Variants in KIRREL2 observed in about 807,000 individuals in gnomAD.
KIRREL2 encodes kirre like nephrin family adhesion molecule 2.
A neutral mutation model predicts 73.4 loss-of-function variants in KIRREL2; 56 were observed. That is an observed-to-expected ratio of 0.76 (90% CI 0.62 to 0.95). The LOEUF (loss-of-function observed/expected upper bound fraction) is 0.95, where lower values mean the gene tolerates loss of function less well. Among genes scored for constraint, KIRREL2 ranks in the 40% least tolerant of loss-of-function variants. KIRREL2 has a pLI of 0.00. For missense variants in KIRREL2, 896 were observed against 935.0 expected, an observed-to-expected ratio of 0.96 and a Z score of 0.54; for synonymous variants, 407 against 404.0, an observed-to-expected ratio of 1.01 and a Z score of -0.09.
chr19:35,860,633 T>C lies in KIRREL2; in HGVS notation c.894T>C (p.Gly298=). ...CCTGCGAGGTCAGCAACGCCGTGGG[T>C]AGCGCCAACCGCAGTACTGCGCTGG... is the stretch of plus-strand genomic sequence containing the variant. ...PVSCEVSNAV[G]SANRSTALDV... Residue 298 remains glycine, a synonymous_variant, in exon 7 of 15, where the codon GGT becomes GGC. Transcript: ENST00000360202. The C allele has an allele frequency of 6.2e-7, 1 of 1,603,390 alleles. No homozygotes were observed. Among genetic ancestry groups the C allele is most frequent in the African/African-American group, 1.3e-5 (1 of 74,958 alleles).
chr19:35,866,069 C>G (rs781562471), intron 14 of KIRREL2, 88 bp from the exon 15 acceptor site: 4 of 1,273,542 alleles, frequency 3.1e-6, no homozygotes, highest in Non-Finnish European at 4.4e-6. Flanking sequence ...CTCTCAAGGT[C>G]TGGTCTATTT....
chr19:35,864,947 C>A (rs191562936), intron 14 of KIRREL2, among the ~76,000 whole-genome samples: 1 of 152,212 alleles, frequency 6.6e-6, no homozygotes, highest in African/African-American at 2.4e-5. Context: ...GCCCTAGCCT[C>A]CATCTGGAGC....
At chr19:35,862,898 G>A (rs764378597) in intron 12 of KIRREL2, 29 bp from the exon 13 acceptor site, 4 of 1,399,096 alleles carry the variant, frequency 2.9e-6, no homozygotes, top group Non-Finnish European at 3.0e-6. Context: ...CCCGCCCATC[G>A]CTTAACTCCA....
At position 35,862,968 on chromosome 19, in the gene KIRREL2, C is replaced by T; in HGVS notation, c.1657C>T (p.Pro553Ser). ...FSEQKNLMRIPGSSDGSSSRG... is the reference protein window; with the variant it reads ...FSEQKNLMRISGSSDGSSSRG... ...CGAGCAAAAGAACCTGATGCGAATCCCTGGCAGCAGCGACGGCTCCAGTTC... is the reference window on the plus strand; with the variant it reads ...CGAGCAAAAGAACCTGATGCGAATCTCTGGCAGCAGCGACGGCTCCAGTTC... The change falls in exon 13 of 15, where the codon CCT becomes TCT. Residue 553 changes from proline to serine, a missense_variant. Physicochemically the swap from Pro to Ser is moderately conservative, Grantham distance 74. Coordinates refer to ENST00000360202, the MANE Select transcript of KIRREL2 (RefSeq NM_199180.4). 3 of 1,591,718 alleles carry T rather than the reference C, an allele frequency of 1.9e-6. No homozygotes were observed. Among genetic ancestry groups the T allele is most frequent in the Non-Finnish European group, 2.6e-6 (3 of 1,169,382 alleles).
chr19:35,858,416 C>G lies in KIRREL2; in HGVS notation c.220C>G (p.Arg74Gly). The change falls in exon 3 of 15, where the codon CGG becomes GGG. Residue 74 changes from arginine to glycine, a missense_variant. Transcript: ENST00000360202. ...CTTCTCCCTGACTCCAGGGTGGTCC[C>G]GGTACTGGATATCAGGGAATGCAGC... ...GGQRDLPGWS[R>G]YWISGNAANG... 1 of 1,613,812 alleles carries G rather than the reference C, an allele frequency of 6.2e-7. No individual in the cohort carries two copies. Among genetic ancestry groups the G allele is most frequent in the Non-Finnish European group, 8.5e-7 (1 of 1,179,868 alleles).
Position 35,860,577 on chromosome 19 carries a change from G to A in KIRREL2, c.838G>A (p.Ala280Thr), listed in dbSNP as rs1483941849. Residue 280 changes from alanine (A) to threonine (T), a missense_variant, in exon 7 of 15, where the codon GCA becomes ACA. Transcript: ENST00000360202. ...GARGPRLEVV[A>T]DASFLTEPVS... Reference sequence around the variant, plus strand: ...CCGCGGGCCAAGGTTAGAGGTCGTGGCAGACGCCTCGTTCCTGACTGAGCC... The same window carrying A: ...CCGCGGGCCAAGGTTAGAGGTCGTGACAGACGCCTCGTTCCTGACTGAGCC... The A allele has an allele frequency of 6.2e-7, 1 of 1,603,564 alleles. No individual in the cohort carries two copies. Among genetic ancestry groups the A allele is most frequent in the South Asian group, 1.1e-5 (1 of 91,080 alleles).
upstream of KIRREL2, chr19:35,856,441 G>A (rs1282772514): frequency 6.4e-6 from 1 of 155,320 alleles, no homozygotes; most frequent in Admixed American, 6.3e-5. The surrounding 1 kb of genome is among the most constrained non-coding windows in gnomAD (Gnocchi z 5.9). Flanking sequence ...TGAGGCTGGG[G>A]GAGTCGAGGT....
chr19:35,855,154 A>G (rs571937322), upstream of KIRREL2, among the ~76,000 whole-genome samples: 95 of 149,540 alleles, frequency 6.4e-4, no homozygotes, highest in South Asian at 1.1e-3. Context: ...CCCTCCTCCC[A>G]CCTCCCCTCT....
At chr19:35,865,122 T>TTCTC (rs142392770) in intron 14 of KIRREL2, among the ~76,000 whole-genome samples, 2 of 148,986 alleles carry the variant, frequency 1.3e-5, no homozygotes, top group Non-Finnish European at 1.5e-5. Context: ...GCCAGAGCAC[T>TTCTC]TCTCTCTCTC....
At chr19:35,862,056 G>T in intron 11 of KIRREL2, 32 bp downstream of exon 11, 2 of 1,568,186 alleles carry the variant, frequency 1.3e-6, no homozygotes, top group African/African-American at 1.3e-5. Flanking sequence ...CCCAAATCTG[G>T]AGAGTCTAAA....
At position 35,860,910 on chromosome 19, in the gene KIRREL2, TG is replaced by T. The variant is rs774439246; in HGVS notation, c.933del (p.Pro312ArgfsTer32). On this transcript the variant is annotated frameshift_variant and splice_region_variant, in exon 8 of 15. Transcript: ENST00000360202. LOFTEE classifies it high-confidence loss of function. ...NRSTALDVLF[G>X]PILQAKPEPV... ...TGACCCCTAGTCTCTTTCGTCCAGT[TG>T]GGCCGATTCTGCAGGCAAAGCCGGA... is the stretch of plus-strand genomic sequence containing the variant. 1.9e-6 allele frequency: 3 copies of T among 1,613,840 alleles called. No individual in the cohort carries two copies. Among genetic ancestry groups the T allele is most frequent in the Non-Finnish European group, 1.7e-6 (2 of 1,179,942 alleles).
In KIRREL2 at chr19:35,858,724, G is replaced by C. The variant is rs1973536892; in HGVS notation, c.382G>C (p.Val128Leu). The C allele has an allele frequency of 6.2e-7, 1 of 1,614,028 alleles. No individual in the cohort carries two copies. Among genetic ancestry groups the C allele is most frequent in the Non-Finnish European group, 8.5e-7 (1 of 1,180,024 alleles). ...HVLVPPEAPQ[V>L]LGGPSVSLVA... ...TGCAGTCCCCCCAGAAGCCCCCCAGGTGCTGGGCGGCCCCTCTGTGTCTCT... is the reference window on the plus strand; with the variant it reads ...TGCAGTCCCCCCAGAAGCCCCCCAGCTGCTGGGCGGCCCCTCTGTGTCTCT... Residue 128 changes from valine (V) to leucine (L), a missense_variant, in exon 4 of 15, where the codon GTG becomes CTG. Physicochemically the swap from Val to Leu is conservative, Grantham distance 32. Coordinates refer to ENST00000360202, the MANE Select transcript of KIRREL2 (RefSeq NM_199180.4).
chr19:35,855,698 C>CACAT (rs1973397523), upstream of KIRREL2, among the ~76,000 whole-genome samples: 3 of 141,832 alleles, frequency 2.1e-5, no homozygotes, highest in Admixed American at 1.5e-4. Context: ...CACACACACA[C>CACAT]ACACACACAT....
At position 35,866,317 on chromosome 19, in the gene KIRREL2, C is replaced by T. The variant is rs370493250; in HGVS notation, c.1952C>T (p.Pro651Leu). ...AACCCACACCTGGGCATGGTCCCCC[C>T]CTGCAGACTTTACAGAGCCAGGGCA... ...DFNPHLGMVP[P>L]CRLYRARAGY... Residue 651 changes from proline to leucine, a missense_variant, in exon 15 of 15, where the codon CCC becomes CTC. Coordinates refer to ENST00000360202, the MANE Select transcript of KIRREL2 (RefSeq NM_199180.4). The T allele has an allele frequency of 2.5e-6, 4 of 1,612,644 alleles. No homozygotes were observed. The highest frequency in any genetic ancestry group is 4.5e-5 in the East Asian group (2 of 44,858).
upstream of KIRREL2, chr19:35,851,549 G>A (rs116620503): frequency 2.7e-5 from 43 of 1,613,696 alleles, no homozygotes; most frequent in East Asian, 6.0e-4. Flanking sequence ...CCATTGCACC[G>A]CACTGCCAGG....
Position 35,862,004 on chromosome 19 carries a change from A to G in KIRREL2, c.1490A>G (p.Gln497Arg), listed in dbSNP as rs144457307. The G allele has an allele frequency of 1.3e-3, 2,172 of 1,610,494 alleles. 7 individuals are homozygous for G. The highest frequency in any genetic ancestry group is 1.7e-3 in the Middle Eastern group (10 of 6,024). Residue 497 changes from glutamine (Q) to arginine (R), a missense_variant, in exon 11 of 15, where the codon CAG (glutamine) becomes CGG (arginine). Gln to Arg is a conservative substitution (Grantham distance 43, BLOSUM62 1). Transcript: ENST00000360202. ...ARNRLGEGGA[Q>R]ASLGRRDLLP... ...AACCGGCTGGGCGAGGGAGGTGCCC[A>G]GGCCAGCCTGGGCCGTAGAGGTGAG...
chr19:35,853,478 T>C (rs145242746), upstream of KIRREL2, among the ~76,000 whole-genome samples: 74 of 152,322 alleles, frequency 4.9e-4, no homozygotes, highest in African/African-American at 1.7e-3. Flanking sequence ...CATGTCTCTC[T>C]CTCTCCCTCC....
In KIRREL2 at chr19:35,861,185, G is replaced by C; in HGVS notation, c.1120G>C (p.Val374Leu). Residue 374 changes from valine to leucine, a missense_variant, in exon 9 of 15, where the codon GTG becomes CTG. Val to Leu is a conservative substitution (Grantham distance 32, BLOSUM62 1). Transcript: ENST00000360202. ...SVGPEDAGDY[V>L]CRAEAGLSGL... ...GGGGCCCGAGGACGCAGGCGACTAT[G>C]TGTGCAGAGCTGAGGCTGGGCTATC... 3 of 1,580,940 alleles carry C rather than the reference G, an allele frequency of 1.9e-6. No homozygotes were observed. Among genetic ancestry groups the C allele is most frequent in the Non-Finnish European group, 2.6e-6 (3 of 1,166,620 alleles).
upstream of KIRREL2, chr19:35,851,858 C>T: frequency 6.5e-7 from 1 of 1,548,734 alleles, no homozygotes; most frequent in Non-Finnish European, 8.7e-7. Flanking sequence ...CCTACTGTGA[C>T]CCCCACAGCG....
Sources: allele counts gnomAD v4.1 joint callset (sites outside exome capture counted in the v4.1 genomes callset), GRCh38; gene constraint gnomAD v4.1.1; non-coding constraint Gnocchi (gnomAD v3.1); transcripts MANE v1.5; gene names NCBI Gene and HGNC (gene_info 2026-07-23, HGNC 2026-07-21).